SNED1: variants seen among roughly 807,000 people sequenced by gnomAD.
The protein encoded by SNED1 is sushi, nidogen and EGF like domains 1, also known as sushi, nidogen and EGF-like domain-containing protein 1.
In SNED1, 81 loss-of-function variants were observed where a neutral mutation model predicts 166.7. The observed-to-expected ratio is 0.49, with a 90% CI of 0.41 to 0.58. The LOEUF is 0.58. Among genes scored for constraint, SNED1 ranks in the 20% least tolerant of loss-of-function variants. The probability of loss-of-function intolerance (pLI) is 0.00; values close to 1 mark genes in which losing one functional copy is unlikely to be tolerated. For missense variants in SNED1, 1,604 were observed against 2,000.2 expected (o/e 0.80, Z 3.78); for synonymous variants, 762 against 822.0 (o/e 0.93, Z 1.25).
chr2:241,053,067 C>T, intron 15 of SNED1, 86 bp from the exon 16 acceptor site: 1 of 1,342,598 alleles, frequency 7.4e-7, no homozygotes, highest in Non-Finnish European at 1.0e-6. Context: ...TCCCTGGGCC[C>T]TGCAGTCGGG....
In SNED1 at chr2:241,086,262, G is replaced by C. The variant is rs141140750; in HGVS notation, c.4122-1130G>C. Among the ~76,000 whole-genome samples, 109 of 152,278 alleles carry C rather than the reference G, an allele frequency of 7.2e-4. 1 individual carries two copies. In the Middle Eastern group the frequency reaches 0.034, roughly 48 times the overall value. On this transcript the variant is annotated intron_variant, in intron 29 of 31. Transcript: ENST00000310397. ...CCTCAGTAGTTCTTCTTTGCCTTGT[G>C]GGGATTCACCCTATGCATGCACAGC...
chr2:241,089,369 A>G, intron 31 of SNED1: 2 of 1,547,770 alleles, frequency 1.3e-6, no homozygotes, highest in Non-Finnish European at 8.7e-7. Flanking sequence ...TACGTGCCTA[A>G]AAAAATAAAG....
In SNED1 at chr2:241,070,276, C is replaced by G. The variant is rs1345386841; in HGVS notation, c.3589+75C>G. 4 of 1,444,318 alleles carry G rather than the reference C, an allele frequency of 2.8e-6. No homozygotes were observed. In the African/African-American group the frequency reaches 4.2e-5, roughly 15 times the overall value. 89.5% of individuals were successfully genotyped at this position (1,444,318 alleles called of 1,614,324 possible). A position where few individuals can be genotyped will look rare whatever the true frequency, so the allele number is the denominator to read the frequency against. The stretch of plus-strand genomic sequence containing the variant: ...TCCACCCTGTTCAGGACTGACCTGG[C>G]CCTGCAGGGGCCTGGGATGCCAGGC... On this transcript the variant is annotated intron_variant, in intron 24 of 31. Transcript: ENST00000310397.
At position 241,037,333 on chromosome 2, in the gene SNED1, G is replaced by A. The variant is rs1272269885; in HGVS notation, c.1025G>A (p.Gly342Glu). 14 of 1,608,900 alleles carry A rather than the reference G, an allele frequency of 8.7e-6. No homozygotes were observed. Among genetic ancestry groups the A allele is most frequent in the Non-Finnish European group, 1.2e-5 (14 of 1,178,196 alleles). The change falls in exon 6 of 32, where the codon GGG becomes GAG. Residue 342 changes from glycine (G) to glutamate (E), a missense_variant. Coordinates refer to ENST00000310397, the MANE Select transcript of SNED1 (RefSeq NM_001080437.3). ...CGCTGCCAGTGCCCGGCTGGCTTTG[G>A]GGGACCCACCTGTGAGACAGGTAAG... ...SFRCQCPAGF[G>E]GPTCETAQSP... is the part of the protein sequence containing the mutation.
intron 10 of SNED1, 122 bp from the exon 11 acceptor site, chr2:241,048,900 C>T: frequency 8.5e-7 from 1 of 1,180,504 alleles, no homozygotes; most frequent in Non-Finnish European, 1.2e-6. Context: ...GAGGGACTGG[C>T]CACAAGAGTG....
chr2:241,070,223 C>T lies in SNED1; in HGVS notation c.3589+22C>T, dbSNP rs776562624. ...ACCTGTGAGTGCCGTGGGCCCTGCG[C>T]GTGGGCGGGGCCAGTGTTTGCCAGC... On this transcript the variant is annotated intron_variant, in intron 24 of 31. Coordinates refer to ENST00000310397, the MANE Select transcript of SNED1 (RefSeq NM_001080437.3). 34 of 1,584,820 alleles carry T rather than the reference C, an allele frequency of 2.1e-5. No individual in the cohort carries two copies. In the South Asian group the frequency reaches 2.3e-4, roughly 10 times the overall value.
Position 241,065,575 on chromosome 2 carries a change from C to T in SNED1, c.2990C>T (p.Ala997Val), listed in dbSNP as rs2062406237. 1.2e-6 allele frequency: 2 copies of T among 1,612,138 alleles called. No individual in the cohort carries two copies. The highest frequency in any genetic ancestry group is 1.1e-5 in the South Asian group (1 of 91,040). Residue 997 changes from alanine to valine, a missense_variant, in exon 21 of 32, where the codon GCC becomes GTC. By Grantham distance (64) the Ala-to-Val change is moderately conservative. Coordinates refer to ENST00000310397, the MANE Select transcript of SNED1 (RefSeq NM_001080437.3). The part of the protein sequence containing the change: ...SNNKNDISRP[A>V]VLLARTRPRP... ...AACAAGAATGACATCAGCAGGCCTG[C>T]CGTGCTGCTGGCCCGCACGCGTGAG...
rs2061865577 is a variant in SNED1, at chr2:241,052,234, A to G, written c.1969+77A>G. 2.0e-6 allele frequency: 3 copies of G among 1,481,630 alleles called. No homozygotes were observed. The Admixed American group carries it at 5.1e-5, about 25-fold the overall frequency. 91.8% of individuals were successfully genotyped at this position (1,481,630 alleles called of 1,614,324 possible). A position where few individuals can be genotyped will look rare whatever the true frequency, so the allele number is the denominator to read the frequency against. ...CAGATGTGAAAACAGGCCCATGGGC[A>G]GGGCTGGTCCAGGCCCTGGAGGCGC... On this transcript the variant is annotated intron_variant, in intron 14 of 31. Transcript: ENST00000310397.
intron 6 of SNED1, 117 bp from the exon 7 acceptor site, chr2:241,039,958 C>G (rs530494307): frequency 6.3e-6 from 5 of 799,062 alleles, no homozygotes; most frequent in Admixed American, 4.7e-5. Flanking sequence ...GCCTGCCAGG[C>G]CCCCCTGCAA....
rs1257120949 is a variant in SNED1 at position 241,070,174 on chromosome 2, G to A, written c.3562G>A (p.Glu1188Lys). ...CACGGAGCTCGGGCCGCAGCACAGC[G>A]AGCCCGCCCACCTCTACATCATCAC... is the stretch of plus-strand genomic sequence containing the variant. Reference protein sequence around the residue: ...QSTELGPQHSEPAHLYIITSP... With the variant: ...QSTELGPQHSKPAHLYIITSP... Residue 1188 changes from glutamate (E) to lysine (K), a missense_variant, in exon 24 of 32, where the codon GAG becomes AAG. Glu to Lys is a moderately conservative substitution (Grantham distance 56, BLOSUM62 1). This residue lies in a region of SNED1 where 367 missense variants were observed against 379.4 expected (regional missense o/e 0.97). Coordinates refer to ENST00000310397, the MANE Select transcript of SNED1 (RefSeq NM_001080437.3). 3.8e-6 allele frequency: 6 copies of A among 1,586,626 alleles called. No homozygotes were observed. The highest frequency in any genetic ancestry group is 1.1e-5 in the South Asian group (1 of 88,464).
At chr2:241,088,206 C>G (rs1353218904) in intron 30 of SNED1, 159 bp from the exon 31 acceptor site, 3 of 620,274 alleles carry the variant, frequency 4.8e-6, no homozygotes, top group Non-Finnish European at 8.8e-6. Flanking sequence ...AACTAAAATG[C>G]TAATCTCCAC....
chr2:241,007,322 C>T (rs904607549), intron 1 of SNED1, among the ~76,000 whole-genome samples: 1 of 152,254 alleles, frequency 6.6e-6, no homozygotes, highest in Non-Finnish European at 1.5e-5. Flanking sequence ...TCCCAGGCAG[C>T]TCCCCACAGA....
rs574848589 is a variant in SNED1, at chr2:241,088,823, G to A, written c.*1+421G>A. ...GCCTGGGCTGCTGAGAAATTCCGGGGGCTCCAGGAGAGGGCTGAGAGAGTG... is the reference window on the plus strand; with the variant it reads ...GCCTGGGCTGCTGAGAAATTCCGGGAGCTCCAGGAGAGGGCTGAGAGAGTG... On this transcript the variant is annotated intron_variant, in intron 31 of 31. Coordinates refer to ENST00000310397, the MANE Select transcript of SNED1 (RefSeq NM_001080437.3). 4 of 222,672 alleles carry A rather than the reference G, an allele frequency of 1.8e-5. No homozygotes were observed. In the South Asian group the frequency reaches 4.1e-4, roughly 23 times the overall value. The allele number at this position is 222,672 out of a possible 1,614,324, so 13.8% of individuals were successfully genotyped here.
At chr2:241,020,981 A>G (rs2060754749) in intron 1 of SNED1, among the ~76,000 whole-genome samples, 1 of 152,230 alleles carries the variant, frequency 6.6e-6, no homozygotes, top group South Asian at 2.1e-4. Context: ...CAGATGTGAC[A>G]GCTGCACACA....
At chr2:241,077,203 G>A (rs1231360805) in intron 27 of SNED1, among the ~76,000 whole-genome samples, 1 of 152,182 alleles carries the variant, frequency 6.6e-6, no homozygotes, top group Non-Finnish European at 1.5e-5. Context: ...TGCTGGGACA[G>A]CTGGATATCC....
intron 16 of SNED1, among the ~76,000 whole-genome samples, chr2:241,061,488 C>T (rs897225411): frequency 2.6e-5 from 4 of 152,178 alleles, no homozygotes; most frequent in African/African-American, 4.8e-5. Flanking sequence ...TGCTCATTTA[C>T]GTCAACTGTG....
At chr2:241,052,495 G>T (rs1170301499) in intron 15 of SNED1, 27 bp downstream of exon 15, 1 of 1,535,774 alleles carries the variant, frequency 6.5e-7, no homozygotes, top group African/African-American at 1.4e-5. Context: ...GATCAAGCAG[G>T]GTACATGGGA....
rs546450250 is a variant in SNED1 at position 241,034,994 on chromosome 2, G to A, written c.805+264G>A. ...GAGACTGTGCCCTAGAGAAGATCCCGCACACACACTGCTGTGGGTTGGAGG... is the reference window on the plus strand; with the variant it reads ...GAGACTGTGCCCTAGAGAAGATCCCACACACACACTGCTGTGGGTTGGAGG... On this transcript the variant is annotated intron_variant, in intron 4 of 31. Transcript: ENST00000310397. Among the ~76,000 whole-genome samples, 18 of 150,088 alleles carry A rather than the reference G, an allele frequency of 1.2e-4. No individual in the cohort carries two copies. The South Asian group carries it at 2.9e-3, about 24-fold the overall frequency.
chr2:240,998,252 C>T (rs2059971560), upstream of SNED1, among the ~76,000 whole-genome samples: 1 of 152,256 alleles, frequency 6.6e-6, no homozygotes, highest in Non-Finnish European at 1.5e-5. Context: ...GGGAAGGGGG[C>T]AGCACGGAAC....
Sources: gnomAD v4.1 joint callset for allele counts (sites outside exome capture counted in the v4.1 genomes callset) on GRCh38, gnomAD v4.1.1 for gene constraint, gnomAD v4.1.1 regional missense constraint, MANE v1.5 for transcripts, NCBI Gene and HGNC (gene_info 2026-07-23, HGNC 2026-07-21) for gene names.